Variants in SPIDR observed in about 807,000 individuals in gnomAD.
SPIDR encodes DNA repair-scaffolding protein.
Under a neutral mutation model 104.6 loss-of-function variants are expected in SPIDR, and 93 were observed. The ratio of observed to expected loss-of-function variants is 0.89; its 90% CI spans 0.75 to 1.06. SPIDR has a LOEUF of 1.06. Among genes scored for constraint, SPIDR ranks in the 50% least tolerant of loss-of-function variants. The pLI, the probability that SPIDR is intolerant of heterozygous loss-of-function variation, is 0.00. For missense variants in SPIDR, 1,154 were observed against 1,111.2 expected, an observed-to-expected ratio of 1.04 and a Z score of -0.55; for synonymous variants, 431 against 416.9, an observed-to-expected ratio of 1.03 and a Z score of -0.41.
chr8:47,633,695 T>C (rs747889628), intron 10 of SPIDR, among the ~76,000 whole-genome samples: 2 of 152,092 alleles, frequency 1.3e-5, no homozygotes, highest in Non-Finnish European at 2.9e-5. Flanking sequence ...AGATACTGTT[T>C]ACTGACTGCA....
At chr8:47,664,287 G>C (rs1359903864) in intron 10 of SPIDR, among the ~76,000 whole-genome samples, 2 of 152,168 alleles carry the variant, frequency 1.3e-5, no homozygotes, top group East Asian at 3.9e-4. Flanking sequence ...AGAGAGGCAA[G>C]CCCGGAAGAC....
At chr8:47,583,123 C>G (rs1028658757) in intron 8 of SPIDR, among the ~76,000 whole-genome samples, 1 of 147,304 alleles carries the variant, frequency 6.8e-6, no homozygotes, top group Non-Finnish European at 1.5e-5. Context: ...AGAATGCAAC[C>G]CTGTCTCTAC....
chr8:47,566,007 T>TTATTTTTTTA (rs2057788384), intron 8 of SPIDR, among the ~76,000 whole-genome samples: 1 of 98,506 alleles, frequency 1.0e-5, no homozygotes, highest in Non-Finnish European at 2.2e-5. Context: ...TTTTTTTTTT[T>TTATTTTTTTA]TTTTTTTTTT....
chr8:47,445,939 C>G (rs552770817), intron 8 of SPIDR, among the ~76,000 whole-genome samples: 3 of 152,178 alleles, frequency 2.0e-5, no homozygotes, highest in African/African-American at 7.2e-5. Flanking sequence ...GAAGTTGATT[C>G]ATGAGATTTA....
chr8:47,317,796 C>T (rs1050848947), intron 5 of SPIDR, among the ~76,000 whole-genome samples: 7 of 152,106 alleles, frequency 4.6e-5, no homozygotes, highest in African/African-American at 9.7e-5. Context: ...CACCGGTATC[C>T]GCTGTTCTGC....
intron 8 of SPIDR, among the ~76,000 whole-genome samples, chr8:47,494,163 A>G (rs1586666176): frequency 1.3e-5 from 2 of 149,512 alleles, no homozygotes; most frequent in East Asian, 3.9e-4. Flanking sequence ...TAGTTTTTAA[A>G]TTTTTCATGG....
chr8:47,615,558 C>T (rs548408190), intron 10 of SPIDR, among the ~76,000 whole-genome samples: 2 of 151,372 alleles, frequency 1.3e-5, no homozygotes, highest in South Asian at 4.2e-4. Context: ...CTGCAACCTC[C>T]GCCTCTCGGG....
chr8:47,371,883 G>A (rs1016121921), intron 5 of SPIDR, among the ~76,000 whole-genome samples: 1 of 152,052 alleles, frequency 6.6e-6, no homozygotes, highest in Non-Finnish European at 1.5e-5. Flanking sequence ...CAGCCTAACC[G>A]CTCATATTAT....
chr8:47,463,978 T>G (rs1335239159), intron 8 of SPIDR, among the ~76,000 whole-genome samples: 3 of 152,096 alleles, frequency 2.0e-5, no homozygotes, highest in Non-Finnish European at 4.4e-5. Flanking sequence ...CACCCTTCCA[T>G]TTAAGATAGT....
intron 6 of SPIDR, among the ~76,000 whole-genome samples, chr8:47,404,786 A>T (rs377498915): frequency 1.4e-4 from 21 of 152,204 alleles, no homozygotes; most frequent in Non-Finnish European, 2.2e-4. Flanking sequence ...ATTGTGGAAG[A>T]CAGTGTGGCG....
At chr8:47,599,415 G>A (rs1588232481) in intron 10 of SPIDR, among the ~76,000 whole-genome samples, 2 of 152,228 alleles carry the variant, frequency 1.3e-5, no homozygotes, top group East Asian at 1.9e-4. Flanking sequence ...TAAATTTGCT[G>A]CATTTTGTTT....
chr8:47,555,586 C>T (rs540876378), intron 8 of SPIDR, among the ~76,000 whole-genome samples: 1 of 152,172 alleles, frequency 6.6e-6, no homozygotes, highest in Admixed American at 6.5e-5. Context: ...TAATGGAACT[C>T]ATGTTCCTTC....
intron 5 of SPIDR, among the ~76,000 whole-genome samples, chr8:47,312,437 T>C (rs587693714): frequency 1.8e-3 from 272 of 152,358 alleles, no homozygotes; most frequent in Non-Finnish European, 2.9e-3. Flanking sequence ...TGGTATCTCA[T>C]TATGGTTTTG....
At chr8:47,670,094 G>C (rs1307780093) in intron 10 of SPIDR, among the ~76,000 whole-genome samples, 1 of 152,124 alleles carries the variant, frequency 6.6e-6, no homozygotes, top group Non-Finnish European at 1.5e-5. Flanking sequence ...CACATGTGGA[G>C]GGGTAGGGGC....
At chr8:47,553,456 T>C (rs529667284) in intron 8 of SPIDR, among the ~76,000 whole-genome samples, 1 of 152,322 alleles carries the variant, frequency 6.6e-6, no homozygotes, top group Non-Finnish European at 1.5e-5. Context: ...TTTACTCTTT[T>C]TTCTCTAAAC....
intron 19 of SPIDR, chr8:47,732,486 G>T: frequency 2.4e-6 from 1 of 412,624 alleles, no homozygotes; most frequent in Non-Finnish European, 4.4e-6. Context: ...GGGTGCTCTG[G>T]TTTCAGGGCC....
chr8:47,491,866 A>T (rs1269125268), intron 8 of SPIDR, among the ~76,000 whole-genome samples: 1 of 152,136 alleles, frequency 6.6e-6, no homozygotes, highest in African/African-American at 2.4e-5. Context: ...AAAGAAAAAG[A>T]AAACCAGCCA....
chr8:47,528,299 T>G (rs1039906022), intron 8 of SPIDR, among the ~76,000 whole-genome samples: 1 of 152,124 alleles, frequency 6.6e-6, no homozygotes, highest in Non-Finnish European at 1.5e-5. Context: ...ATGGGAAAGA[T>G]AAAAAATATT....
At chr8:47,344,011 C>T (rs1234688927) in intron 5 of SPIDR, among the ~76,000 whole-genome samples, 2 of 151,268 alleles carry the variant, frequency 1.3e-5, no homozygotes, top group Non-Finnish European at 2.9e-5. Context: ...GGTACATGTG[C>T]ACAACGTGAA....
Sources: allele counts gnomAD v4.1 joint callset (sites outside exome capture counted in the v4.1 genomes callset), GRCh38; gene constraint gnomAD v4.1.1; transcripts MANE v1.5; gene names NCBI Gene and HGNC (gene_info 2026-07-23, HGNC 2026-07-21).